DST: variants seen among roughly 807,000 people sequenced by gnomAD.
DST encodes the protein bullous pemphigoid antigen.
Under a neutral mutation model 875.2 loss-of-function variants are expected in DST, and 253 were observed. That is an observed-to-expected ratio of 0.29 (90% CI 0.26 to 0.32). The LOEUF is 0.32. Among genes scored for constraint, DST ranks in the 10% least tolerant of loss-of-function variants. The pLI, the probability that DST is intolerant of heterozygous loss-of-function variation, is 1.00. For synonymous variants in DST, 3,124 were observed against 3,197.1 expected (o/e 0.98, Z 0.77); for missense variants, 8,287 against 9,111.6 (o/e 0.91, Z 3.68).
intron 69 of DST, among the ~76,000 whole-genome samples, chr6:56,525,003 C>A (rs112520847): frequency 6.6e-6 from 1 of 151,942 alleles, no homozygotes; most frequent in Non-Finnish European, 1.5e-5. Flanking sequence ...GGAAAACATA[C>A]GCAAAACCTT....
In DST at chr6:56,609,267, G is replaced by C. The variant is rs1366763884; in HGVS notation, c.5361C>G (p.Gly1787=). The C allele has an allele frequency of 6.8e-6, 11 of 1,613,430 alleles. No individual in the cohort carries two copies. Among genetic ancestry groups the C allele is most frequent in the Non-Finnish European group, 9.3e-6 (11 of 1,179,662 alleles). The change falls in exon 40 of 104, where the codon GGC becomes GGG. Residue 1787 remains glycine, a synonymous_variant. Transcript: ENST00000680361. The part of the protein sequence containing the change: ...VLSVFQAVLR[G]LIDYDTGIRL... ...TAATTCCTGTGTCATAGTCAATGAG[G>C]CCTCTTAAAACTGCTTGAAAGACTG...
In DST at chr6:56,494,112, C is replaced by T; in HGVS notation, c.20292G>A (p.Met6764Ile). 1.2e-6 allele frequency: 2 copies of T among 1,611,592 alleles called. No homozygotes were observed. Among genetic ancestry groups the T allele is most frequent in the Non-Finnish European group, 8.5e-7 (1 of 1,178,366 alleles). The stretch of plus-strand genomic sequence containing the variant: ...CTGCAGATTTTGGGCATCTTGCAAG[C>T]ATCTGCTGGCCTTTCTGCATCAGAC... ...YKSLMQKGQQ[M>I]LARCPKSAET... The change falls in exon 83 of 104, where the codon ATG becomes ATA. Residue 6764 changes from methionine to isoleucine, a missense_variant. By Grantham distance (10) the Met-to-Ile change is conservative (BLOSUM62 1). Coordinates refer to ENST00000680361, the MANE Select transcript of DST (RefSeq NM_001374736.1).
intron 50 of DST, 126 bp downstream of exon 50, chr6:56,578,688 C>CA: frequency 1.1e-5 from 11 of 969,882 alleles, no homozygotes; most frequent in Non-Finnish European, 1.6e-5. Context: ...GCAGGAACAC[C>CA]ATTTCACAGA....
chr6:56,557,494 T>C lies in DST; in HGVS notation c.14465A>G (p.Gln4822Arg), dbSNP rs778352102. The stretch of plus-strand genomic sequence containing the variant: ...TTTTTGTTGTCTATCAATTGTTAAT[T>C]GATTGAGTTCTTGCCACTTAGAATC... ...EIDSKWQELNQLTIDRQQKLE... is the reference protein window; with the variant it reads ...EIDSKWQELNRLTIDRQQKLE... Residue 4822 changes from glutamine to arginine, a missense_variant, in exon 59 of 104, where the codon CAA becomes CGA. Transcript: ENST00000680361. 6.2e-7 allele frequency: 1 copy of C among 1,612,890 alleles called. No homozygotes were observed. The highest frequency in any genetic ancestry group is 1.1e-5 in the South Asian group (1 of 90,844).
chr6:56,585,861 T>C (rs1281334193), intron 49 of DST, among the ~76,000 whole-genome samples: 1 of 152,226 alleles, frequency 6.6e-6, no homozygotes, highest in Non-Finnish European at 1.5e-5. Flanking sequence ...TACCCAGTAG[T>C]CATTCAGGAG....
At chr6:56,638,421 T>G (rs894554577) in intron 22 of DST, among the ~76,000 whole-genome samples, 16 of 152,190 alleles carry the variant, frequency 1.1e-4, no homozygotes, top group Non-Finnish European at 2.4e-4. Flanking sequence ...AGAATTGTAC[T>G]AATCTTTTGA....
chr6:56,635,446 A>C (rs543731781), intron 24 of DST, 143 bp downstream of exon 24: 4 of 835,570 alleles, frequency 4.8e-6, no homozygotes, highest in Non-Finnish European at 7.5e-6. Flanking sequence ...TGCCAAAAGA[A>C]TACTAAAACT....
At chr6:56,648,737 AT>A in intron 12 of DST, 48 bp from the exon 13 acceptor site, 2 of 1,460,826 alleles carry the variant, frequency 1.4e-6, no homozygotes, top group Non-Finnish European at 1.8e-6. Flanking sequence ...AGATAATAAC[AT>A]TCATATCTAA....
At chr6:56,662,904 G>A (rs1365184481) in intron 10 of DST, among the ~76,000 whole-genome samples, 5 of 152,000 alleles carry the variant, frequency 3.3e-5, no homozygotes, top group African/African-American at 9.7e-5. Flanking sequence ...AGCCAAGATC[G>A]CACCACTGCA....
chr6:56,475,150 T>A (rs1311343308), intron 92 of DST, among the ~76,000 whole-genome samples: 2 of 152,056 alleles, frequency 1.3e-5, no homozygotes, highest in Non-Finnish European at 2.9e-5. Context: ...TTATCTCATC[T>A]CCTTGGGCTT....
intron 50 of DST, among the ~76,000 whole-genome samples, chr6:56,574,158 A>G (rs549526550): frequency 8.2e-4 from 113 of 137,292 alleles, no homozygotes; most frequent in Middle Eastern, 4.0e-3. Flanking sequence ...TTTTGGATGC[A>G]TAAACATTTG....
chr6:56,538,148 A>T (rs1361184037), intron 61 of DST, among the ~76,000 whole-genome samples: 2 of 152,062 alleles, frequency 1.3e-5, no homozygotes, highest in African/African-American at 2.4e-5. Context: ...ACGCCCAGCT[A>T]ATTAAAAGAA....
At chr6:56,636,299 TA>T (rs1312360985) in intron 23 of DST, among the ~76,000 whole-genome samples, 1 of 150,906 alleles carries the variant, frequency 6.6e-6, no homozygotes, top group Non-Finnish European at 1.5e-5. Flanking sequence ...TATACATATA[TA>T]CATATATAAC....
Position 56,482,066 on chromosome 6 carries a change from A to G in DST, c.21515T>C (p.Leu7172Pro). Residue 7172 changes from leucine (L) to proline (P), a missense_variant, in exon 90 of 104, where the codon CTC becomes CCC. By Grantham distance (98) the Leu-to-Pro change is moderately conservative. Transcript: ENST00000680361. Reference sequence around the variant, plus strand: ...ATTACTCACTTTATGCTGATCAATGAGAGTCCGGAGAGCATCCTCATCATC... The same window carrying G: ...ATTACTCACTTTATGCTGATCAATGGGAGTCCGGAGAGCATCCTCATCATC... The part of the protein sequence containing the change: ...LPDDEDALRT[L>P]IDQHKEFMKK... The G allele has an allele frequency of 6.2e-7, 1 of 1,613,772 alleles. No individual in the cohort carries two copies. The highest frequency in any genetic ancestry group is 1.6e-4 in the Middle Eastern group (1 of 6,062).
Position 56,632,057 on chromosome 6 carries a change from G to A in DST, c.3806-17C>T. The A allele has an allele frequency of 6.3e-7, 1 of 1,598,606 alleles. No homozygotes were observed. The highest frequency in any genetic ancestry group is 8.6e-7 in the Non-Finnish European group (1 of 1,166,710). The stretch of plus-strand genomic sequence containing the variant: ...CTTGCTCCTCTGTGAAAATAAATAT[G>A]TTTAGAAAATACCTTGTTTTCTATC... On this transcript the variant is annotated splice_polypyrimidine_tract_variant and intron_variant, in intron 28 of 103. Coordinates refer to ENST00000680361, the MANE Select transcript of DST (RefSeq NM_001374736.1).
At chr6:56,710,133 C>T (rs1056486270) in intron 5 of DST, among the ~76,000 whole-genome samples, 8 of 152,062 alleles carry the variant, frequency 5.3e-5, no homozygotes, top group African/African-American at 1.7e-4. Context: ...TAAGCAAAAA[C>T]AAATCAATCA....
At chr6:56,872,831 C>G (rs371870609) in intron 3 of DST, among the ~76,000 whole-genome samples, 21 of 125,650 alleles carry the variant, frequency 1.7e-4, no homozygotes, top group South Asian at 4.7e-4. Context: ...TTCCCCCCCC[C>G]CTTTTTTTTT....
intron 4 of DST, among the ~76,000 whole-genome samples, chr6:56,828,740 G>GT (rs1216704318): frequency 2.0e-5 from 3 of 152,112 alleles, no homozygotes; most frequent in African/African-American, 7.2e-5. Context: ...CATACTCAAT[G>GT]TTTACATCTT....
intron 13 of DST, among the ~76,000 whole-genome samples, chr6:56,647,786 A>C (rs2098952270): frequency 6.6e-6 from 1 of 151,774 alleles, no homozygotes; most frequent in African/African-American, 2.4e-5. Context: ...CCCAGGTTCA[A>C]GCGATTCTCC....
Sources: gnomAD v4.1 joint callset for allele counts (sites outside exome capture counted in the v4.1 genomes callset) on GRCh38, gnomAD v4.1.1 for gene constraint, MANE v1.5 for transcripts, NCBI Gene and HGNC (gene_info 2026-07-23, HGNC 2026-07-21) for gene names.